VAX2: variants seen among roughly 807,000 people sequenced by gnomAD.
The protein encoded by VAX2 is ventral anterior homeobox 2.
A neutral mutation model predicts 12.5 loss-of-function variants in VAX2; 8 were observed. The observed-to-expected ratio is 0.64, with a 90% CI of 0.37 to 1.15. The LOEUF (loss-of-function observed/expected upper bound fraction) is 1.15, where lower values mean the gene tolerates loss of function less well. Among genes scored for constraint, VAX2 ranks in the 50% most tolerant of loss-of-function variants. The probability of loss-of-function intolerance (pLI) is 0.01; values close to 1 mark genes in which losing one functional copy is unlikely to be tolerated. For missense variants in VAX2, 476 were observed against 412.9 expected (o/e 1.15, Z -1.32); for synonymous variants, 183 against 187.6 (o/e 0.98, Z 0.20).
intron 1 of VAX2, among the ~76,000 whole-genome samples, chr2:70,918,313 T>C (rs936195377): frequency 5.3e-5 from 8 of 152,188 alleles, no homozygotes; most frequent in African/African-American, 1.9e-4. Flanking sequence ...AGCCAGAGCA[T>C]ACCCTGGAAG....
At chr2:70,916,658 G>A (rs1553411978) in intron 1 of VAX2, among the ~76,000 whole-genome samples, 2 of 152,084 alleles carry the variant, frequency 1.3e-5, no homozygotes, top group East Asian at 3.9e-4. Context: ...TTTCCCCTCA[G>A]TATAATTTCC....
At chr2:70,924,892 G>A (rs1410019187) in intron 2 of VAX2, among the ~76,000 whole-genome samples, 4 of 152,090 alleles carry the variant, frequency 2.6e-5, no homozygotes, top group Admixed American at 2.0e-4. Flanking sequence ...GAGCTCAAAT[G>A]GGGTCATAGG....
Position 70,900,886 on chromosome 2 carries a change from G to A in VAX2, c.247+18G>A. The A allele has an allele frequency of 7.3e-7, 1 of 1,378,308 alleles. No homozygotes were observed. Among genetic ancestry groups the A allele is most frequent in the Non-Finnish European group, 9.4e-7 (1 of 1,061,562 alleles). 85.4% of individuals were successfully genotyped at this position (1,378,308 alleles called of 1,614,324 possible). A position where few individuals can be genotyped will look rare whatever the true frequency, so the allele number is the denominator to read the frequency against. ...GGTGCGAGGTAAGGGGACAGCCCGC[G>A]GCCCTGCTCCACTGGACCCTCACCC... On this transcript the variant is annotated intron_variant, in intron 1 of 2. Coordinates refer to ENST00000234392, the MANE Select transcript of VAX2 (RefSeq NM_012476.3).
chr2:70,932,153 G>A (rs533963642), intron 2 of VAX2, among the ~76,000 whole-genome samples: 3 of 152,180 alleles, frequency 2.0e-5, no homozygotes, highest in Non-Finnish European at 4.4e-5. Context: ...GAGAGAGGAG[G>A]GTCTGTTCTA....
Position 70,933,008 on chromosome 2 carries a change from C to A in VAX2, c.677C>A (p.Ser226Tyr), listed in dbSNP as rs781965616. 10 of 1,599,842 alleles carry A rather than the reference C, an allele frequency of 6.3e-6. No homozygotes were observed. The highest frequency in any genetic ancestry group is 1.3e-5 in the African/African-American group (1 of 74,576). The change falls in exon 3 of 3, where the codon TCC becomes TAC. Residue 226 changes from serine to tyrosine, a missense_variant. By Grantham distance (144) the Ser-to-Tyr change is moderately radical. Transcript: ENST00000234392. ...GTSLGDPRNS[S>Y]PRLNPLSSAS... is the part of the protein sequence containing the mutation. Reference sequence around the variant, plus strand: ...TCCTTAGGTGACCCCAGGAACTCCTCCCCACGCCTCAACCCGCTGTCCTCG... The same window carrying A: ...TCCTTAGGTGACCCCAGGAACTCCTACCCACGCCTCAACCCGCTGTCCTCG...
chr2:70,910,245 T>C (rs1558655028), intron 1 of VAX2, among the ~76,000 whole-genome samples: 2 of 152,106 alleles, frequency 1.3e-5, no homozygotes, highest in Non-Finnish European at 2.9e-5. Context: ...GGGGGATAGG[T>C]ATATCGGAGC....
At chr2:70,905,108 G>A (rs1320424812) in intron 1 of VAX2, among the ~76,000 whole-genome samples, 1 of 152,018 alleles carries the variant, frequency 6.6e-6, no homozygotes, top group Non-Finnish European at 1.5e-5. Flanking sequence ...CACTGGGCTT[G>A]GGGAGATCGG....
chr2:70,922,534 C>T (rs943268418), intron 2 of VAX2, among the ~76,000 whole-genome samples: 1 of 151,972 alleles, frequency 6.6e-6, no homozygotes, highest in Non-Finnish European at 1.5e-5. Flanking sequence ...TAGTCAGATG[C>T]GCCTGGAAGT....
chr2:70,901,010 T>C (rs1214744504), intron 1 of VAX2, 142 bp downstream of exon 1: 1 of 975,066 alleles, frequency 1.0e-6, no homozygotes, highest in Non-Finnish European at 1.3e-6. Context: ...AATATTATTT[T>C]GAGCGTCTAT....
At chr2:70,932,675 C>A in intron 2 of VAX2, 92 bp from the exon 3 acceptor site, 1 of 699,790 alleles carries the variant, frequency 1.4e-6, no homozygotes. Flanking sequence ...GCCCCAACCC[C>A]ATGCCCTTCC....
chr2:70,915,334 C>G (rs1553411801), intron 1 of VAX2, among the ~76,000 whole-genome samples: 2 of 151,920 alleles, frequency 1.3e-5, no homozygotes, highest in South Asian at 2.1e-4. Flanking sequence ...TGCAACTTCC[C>G]CTTCCCTGCC....
At chr2:70,922,367 C>G (rs1195693345) in intron 2 of VAX2, among the ~76,000 whole-genome samples, 1 of 152,008 alleles carries the variant, frequency 6.6e-6, no homozygotes, top group Non-Finnish European at 1.5e-5. Context: ...GGAGGCTGTG[C>G]TGGAGTGAGG....
At chr2:70,931,938 A>C (rs2104789987) in intron 2 of VAX2, among the ~76,000 whole-genome samples, 1 of 152,296 alleles carries the variant, frequency 6.6e-6, no homozygotes, top group East Asian at 1.9e-4. Flanking sequence ...ACACCTTTAA[A>C]ACACTGGCTT....
At position 70,933,048 on chromosome 2, in the gene VAX2, C is replaced by G. The variant is rs782070927; in HGVS notation, c.717C>G (p.Pro239=). The change falls in exon 3 of 3, where the codon CCC becomes CCG. Residue 239 remains proline (P), a synonymous_variant. Transcript: ENST00000234392. ...LNPLSSASAS[P]PLPPPLPAVC... ...CGCTGTCCTCGGCCTCAGCGTCCCC[C>G]CCACTGCCGCCCCCTCTGCCAGCTG... The G allele has an allele frequency of 5.6e-6, 9 of 1,602,244 alleles. No homozygotes were observed. Among genetic ancestry groups the G allele is most frequent in the Admixed American group, 3.4e-5 (2 of 58,210 alleles).
Position 70,921,197 on chromosome 2 carries a change from G to T in VAX2, c.347G>T (p.Arg116Leu), listed in dbSNP as rs782299811. 2 of 1,613,706 alleles carry T rather than the reference G, an allele frequency of 1.2e-6. No individual in the cohort carries two copies. The highest frequency in any genetic ancestry group is 2.2e-5 in the East Asian group (1 of 44,856). ...TCCTTCACTGCCGAGCAGCTGTACC[G>T]CCTGGAGATGGAGTTCCAGCGCTGC... ...RTSFTAEQLY[R>L]LEMEFQRCQY... Residue 116 changes from arginine (R) to leucine (L), a missense_variant, in exon 2 of 3, where the codon CGC becomes CTC. Transcript: ENST00000234392.
At position 70,904,480 on chromosome 2, in the gene VAX2, G is replaced by A. The variant is rs1553410285; in HGVS notation, c.247+3612G>A. On this transcript the variant is annotated intron_variant, in intron 1 of 2. Coordinates refer to ENST00000234392, the MANE Select transcript of VAX2 (RefSeq NM_012476.3). The surrounding 1 kb of genome is among the most constrained non-coding windows in gnomAD (Gnocchi z 4.2). ...TTTAACGACCGATTTTGATAGATCCGGGAAATTCTGTCCACCAGCGTCACC... is the reference window on the plus strand; with the variant it reads ...TTTAACGACCGATTTTGATAGATCCAGGAAATTCTGTCCACCAGCGTCACC... 1.3e-5 allele frequency among the ~76,000 whole-genome samples: 2 copies of A among 152,190 alleles called. No individual in the cohort carries two copies. Among genetic ancestry groups the A allele is most frequent in the African/African-American group, 4.8e-5 (2 of 41,428 alleles).
intron 1 of VAX2, among the ~76,000 whole-genome samples, chr2:70,910,776 A>T (rs1163643127): frequency 6.8e-6 from 1 of 146,306 alleles, no homozygotes; most frequent in Non-Finnish European, 1.5e-5. Context: ...CTCCCAGGTC[A>T]CTTTCTTAAA....
At position 70,904,402 on chromosome 2, in the gene VAX2, G is replaced by T. The variant is rs1236743867; in HGVS notation, c.247+3534G>T. On this transcript the variant is annotated intron_variant, in intron 1 of 2. Coordinates refer to ENST00000234392, the MANE Select transcript of VAX2 (RefSeq NM_012476.3). The surrounding 1 kb of genome is among the most constrained non-coding windows in gnomAD (Gnocchi z 4.2). ...GACTCCCTACAACCCCGCGATCGAT[G>T]CTCCACCTGCACGCTCAAACGCACC... Among the ~76,000 whole-genome samples, 1 of 152,186 alleles carries T rather than the reference G, an allele frequency of 6.6e-6. No individual in the cohort carries two copies. Among genetic ancestry groups the T allele is most frequent in the Non-Finnish European group, 1.5e-5 (1 of 68,036 alleles).
At chr2:70,913,081 T>C (rs2104766877) in intron 1 of VAX2, among the ~76,000 whole-genome samples, 1 of 152,324 alleles carries the variant, frequency 6.6e-6, no homozygotes, top group South Asian at 2.1e-4. Flanking sequence ...AGGCTATATT[T>C]TGCTGCAGAG....
Sources: gnomAD v4.1 joint callset for allele counts (sites outside exome capture counted in the v4.1 genomes callset) on GRCh38, gnomAD v4.1.1 for gene constraint, Gnocchi (gnomAD v3.1) non-coding constraint, MANE v1.5 for transcripts, NCBI Gene and HGNC (gene_info 2026-07-23, HGNC 2026-07-21) for gene names.